The following STK39 variants were observed in gnomAD, a reference collection of about 807,000 sequenced individuals.
STK39 encodes STE20/SPS1-related proline-alanine-rich protein kinase.
Under a neutral mutation model 77.8 loss-of-function variants are expected in STK39, and 20 were observed. The ratio of observed to expected loss-of-function variants is 0.26; its 90% CI spans 0.18 to 0.37. STK39 has a LOEUF of 0.37. STK39 is among the 10% of genes least tolerant of loss of function. The pLI is 1.00. For missense variants in STK39, 479 were observed against 656.5 expected, an observed-to-expected ratio of 0.73 and a Z score of 2.95; for synonymous variants, 246 against 234.1, an observed-to-expected ratio of 1.05 and a Z score of -0.47.
intron 1 of STK39, among the ~76,000 whole-genome samples, chr2:168,233,846 A>G (rs1300199627): frequency 6.6e-6 from 1 of 152,224 alleles, no homozygotes; most frequent in Admixed American, 6.5e-5. Flanking sequence ...AAGATATGAC[A>G]CATTATGATA....
At chr2:168,070,121 C>T (rs13390079) in intron 12 of STK39, among the ~76,000 whole-genome samples, 1 of 151,940 alleles carries the variant, frequency 6.6e-6, no homozygotes, top group African/African-American at 2.4e-5. Flanking sequence ...TAACCTAAGA[C>T]GCTATATAAG....
At chr2:168,053,754 G>A (rs555199060) in intron 14 of STK39, among the ~76,000 whole-genome samples, 56 of 152,182 alleles carry the variant, frequency 3.7e-4, no homozygotes, top group African/African-American at 1.3e-3. Flanking sequence ...GAAGGATTTT[G>A]TATATGCCAA....
intron 14 of STK39, among the ~76,000 whole-genome samples, chr2:168,045,855 G>T (rs1168758914): frequency 6.6e-6 from 1 of 152,132 alleles, no homozygotes; most frequent in Non-Finnish European, 1.5e-5. Flanking sequence ...TGGGGAAGGG[G>T]TAAAGAATGA....
intron 14 of STK39, among the ~76,000 whole-genome samples, chr2:168,017,741 A>G (rs1223134634): frequency 2.0e-5 from 3 of 152,130 alleles, no homozygotes; most frequent in African/African-American, 7.2e-5. Context: ...TTTTTCTTGA[A>G]AAATACTATT....
At chr2:167,980,976 A>G (rs1194778804) in intron 16 of STK39, among the ~76,000 whole-genome samples, 1 of 151,906 alleles carries the variant, frequency 6.6e-6, no homozygotes, top group Non-Finnish European at 1.5e-5. Flanking sequence ...TGAATAATTC[A>G]CTTCTTGAAT....
Position 168,093,193 on chromosome 2 carries a change from C to A in STK39, c.1090-17962G>T, listed in dbSNP as rs115802514. Among the ~76,000 whole-genome samples, 1,257 of 152,332 alleles carry A rather than the reference C, an allele frequency of 8.3e-3. 14 individuals are homozygous for A. Among genetic ancestry groups the A allele is most frequent in the African/African-American group, 0.028 (1,149 of 41,566 alleles). On this transcript the variant is annotated intron_variant, in intron 10 of 17. Coordinates refer to ENST00000355999, the MANE Select transcript of STK39 (RefSeq NM_013233.3). Reference sequence around the variant, plus strand: ...TCCATAAAGCTCTCCTTATCCTTCACCATCTTCTCAAACTCCCATTCCCAT... The same window carrying A: ...TCCATAAAGCTCTCCTTATCCTTCAACATCTTCTCAAACTCCCATTCCCAT...
chr2:167,999,592 G>A (rs1683940929), intron 16 of STK39, among the ~76,000 whole-genome samples: 1 of 152,014 alleles, frequency 6.6e-6, no homozygotes, highest in Non-Finnish European at 1.5e-5. Context: ...CTCCCGAGTA[G>A]CTGGAACTAC....
intron 14 of STK39, among the ~76,000 whole-genome samples, chr2:168,024,991 G>T (rs1398540284): frequency 1.3e-5 from 2 of 152,168 alleles, no homozygotes; most frequent in African/African-American, 4.8e-5. Flanking sequence ...TTGAACAGAT[G>T]AATGAATGCA....
At chr2:168,183,584 G>GA (rs1226270650) in intron 1 of STK39, among the ~76,000 whole-genome samples, 6 of 152,036 alleles carry the variant, frequency 3.9e-5, no homozygotes, top group African/African-American at 7.3e-5. Context: ...GCCTTGCTAG[G>GA]AAAAAACTTT....
At chr2:167,962,132 C>T (rs557144495) in intron 17 of STK39, among the ~76,000 whole-genome samples, 6 of 152,222 alleles carry the variant, frequency 3.9e-5, no homozygotes, top group African/African-American at 9.6e-5. Context: ...AGGCCCCTGA[C>T]GTTTTCCTTT....
chr2:168,151,170 T>C (rs1398357013), intron 5 of STK39, among the ~76,000 whole-genome samples: 2 of 152,116 alleles, frequency 1.3e-5, no homozygotes, highest in Non-Finnish European at 2.9e-5. Context: ...TCCCTATCTA[T>C]TAATGAGGGA....
At chr2:167,956,386 G>A (rs182795402) in intron 17 of STK39, among the ~76,000 whole-genome samples, 2,097 of 151,930 alleles carry the variant, frequency 0.014, 19 homozygotes, top group Middle Eastern at 0.021. Context: ...GTGAAACCCC[G>A]TCTCTACTAA....
In STK39 at chr2:168,162,339, T is replaced by C. The variant is rs999978797; in HGVS notation, c.573-497A>G. ...GTATAAGGATCCACCTGTCACTTTA[T>C]AGTTTACTCGTGGGGGAGAGTTAGG... On this transcript the variant is annotated intron_variant, in intron 4 of 17. Transcript: ENST00000355999. 3.3e-5 allele frequency among the ~76,000 whole-genome samples: 5 copies of C among 149,840 alleles called. No homozygotes were observed. The South Asian group carries it at 6.4e-4, about 19-fold the overall frequency.
intron 1 of STK39, among the ~76,000 whole-genome samples, chr2:168,201,286 C>T (rs1416141799): frequency 6.6e-6 from 1 of 152,234 alleles, no homozygotes; most frequent in Non-Finnish European, 1.5e-5. Flanking sequence ...CAAACCATAG[C>T]TGGCAGTGAG....
chr2:168,214,054 G>A (rs928696503), intron 1 of STK39, among the ~76,000 whole-genome samples: 5 of 152,056 alleles, frequency 3.3e-5, no homozygotes, highest in Admixed American at 1.3e-4. Flanking sequence ...CTGAGAGGCC[G>A]GTGGACAACA....
chr2:168,210,024 GGAAAGAAAGGAAGGAAGGAA>G (rs1440557971), intron 1 of STK39, among the ~76,000 whole-genome samples: 4 of 96,636 alleles, frequency 4.1e-5, no homozygotes, highest in Non-Finnish European at 5.9e-5. Flanking sequence ...AGGAAAGAAA[GGAAAGAAAGGAAGGAAGGAA>G]GGAAGGAAGG....
chr2:168,018,604 G>T (rs78442907), intron 14 of STK39, among the ~76,000 whole-genome samples: 1,281 of 120,672 alleles, frequency 0.011, 21 homozygotes, highest in African/African-American at 0.034. Context: ...GAAAGAAATT[G>T]CAGTAGGAAA....
chr2:167,980,020 T>C (rs1362699630), intron 16 of STK39, among the ~76,000 whole-genome samples: 1 of 152,202 alleles, frequency 6.6e-6, no homozygotes, highest in African/African-American at 2.4e-5. Flanking sequence ...AACAAGATGA[T>C]ATGCATATAA....
intron 16 of STK39, among the ~76,000 whole-genome samples, chr2:168,004,504 A>G (rs6745679): frequency 0.61 from 91,932 of 151,794 alleles, 28,496 homozygotes; most frequent in African/African-American, 0.73. Flanking sequence ...AGGCCGAGGC[A>G]GGCGGATCAT....
Sources: allele counts gnomAD v4.1 joint callset (sites outside exome capture counted in the v4.1 genomes callset), GRCh38; gene constraint gnomAD v4.1.1; transcripts MANE v1.5; gene names NCBI Gene and HGNC (gene_info 2026-07-23, HGNC 2026-07-21).